The following PPP1R13B variants were observed in gnomAD, a reference collection of about 807,000 sequenced individuals.
PPP1R13B encodes protein phosphatase 1 regulatory subunit 13B, also known as apoptosis-stimulating of p53 protein 1.
A neutral mutation model predicts 119.8 loss-of-function variants in PPP1R13B; 44 were observed. The ratio of observed to expected loss-of-function variants is 0.37; its 90% CI spans 0.29 to 0.47. The LOEUF is 0.47. PPP1R13B is among the 20% of genes least tolerant of loss of function. The pLI is 0.99. For synonymous variants in PPP1R13B, 542 were observed against 561.5 expected, an observed-to-expected ratio of 0.97 and a Z score of 0.49; for missense variants, 1,227 against 1,413.5, an observed-to-expected ratio of 0.87 and a Z score of 2.12.
Position 103,757,632 on chromosome 14 carries a change from C to A in PPP1R13B, c.456+18G>T, listed in dbSNP as rs1291697460. 4 of 1,608,714 alleles carry A rather than the reference C, an allele frequency of 2.5e-6. No individual in the cohort carries two copies. Among genetic ancestry groups the A allele is most frequent in the Non-Finnish European group, 3.4e-6 (4 of 1,175,728 alleles). Reference sequence around the variant, plus strand: ...GTACTTTTTGAACAATGTTTCAATACCTCTTTTTATAACTTACCTTGGCAA... The same window carrying A: ...GTACTTTTTGAACAATGTTTCAATAACTCTTTTTATAACTTACCTTGGCAA... On this transcript the variant is annotated intron_variant, in intron 5 of 16. Transcript: ENST00000202556.
intron 4 of PPP1R13B, chr14:103,763,203 A>G: frequency 1.7e-6 from 1 of 579,564 alleles, no homozygotes; most frequent in Non-Finnish European, 3.1e-6. Flanking sequence ...GAATGTGTCC[A>G]TGAAATAGGG....
At chr14:103,750,004 T>A in intron 7 of PPP1R13B, 70 bp from the exon 8 acceptor site, 2 of 1,532,752 alleles carry the variant, frequency 1.3e-6, no homozygotes, top group Admixed American at 2.0e-5. Flanking sequence ...GCCAGGGAGA[T>A]TAAAAAAGAA....
intron 3 of PPP1R13B, among the ~76,000 whole-genome samples, chr14:103,783,214 T>TC (rs1401315112): frequency 1.3e-5 from 1 of 76,226 alleles, no homozygotes; most frequent in Non-Finnish European, 3.4e-5. Flanking sequence ...ATCTTTTGAC[T>TC]TTTTTTTTAG....
At chr14:103,753,309 G>T in intron 6 of PPP1R13B, 113 bp from the exon 7 acceptor site, 1 of 1,048,528 alleles carries the variant, frequency 9.5e-7, no homozygotes, top group Non-Finnish European at 1.4e-6. Context: ...CGTGGAGAAA[G>T]CTGTGATATG....
intron 1 of PPP1R13B, among the ~76,000 whole-genome samples, chr14:103,845,414 T>C (rs534103659): frequency 2.0e-5 from 3 of 152,326 alleles, no homozygotes; most frequent in African/African-American, 7.2e-5. Context: ...AAATACCATC[T>C]GTTTCTAAAA....
In PPP1R13B at chr14:103,762,730, G is replaced by C. The variant is rs2084838949; in HGVS notation, c.355-4979C>G. On this transcript the variant is annotated intron_variant, in intron 4 of 16. Coordinates refer to ENST00000202556, the MANE Select transcript of PPP1R13B (RefSeq NM_015316.3). ...TCCCTGGGTGTCGGCGGTGGCCGTG[G>C]GGGTGAGACGGATGGGGGTGGAGGC... is the stretch of plus-strand genomic sequence containing the variant. The C allele has an allele frequency of 1.7e-5, 11 of 661,436 alleles. No individual in the cohort carries two copies. In the South Asian group the frequency reaches 1.7e-4, roughly 10 times the overall value. The allele number at this position is 661,436 out of a possible 1,614,324, so 41.0% of individuals were successfully genotyped here. A position where few individuals can be genotyped will look rare whatever the true frequency, so the allele number is the denominator to read the frequency against.
chr14:103,806,271 A>G (rs2086015944), intron 1 of PPP1R13B, among the ~76,000 whole-genome samples: 2 of 152,302 alleles, frequency 1.3e-5, no homozygotes, highest in African/African-American at 4.8e-5. Context: ...AATGGCTCTC[A>G]GGCTTTTCTG....
At chr14:103,748,677 CAA>C (rs913853711) in intron 8 of PPP1R13B, among the ~76,000 whole-genome samples, 20 of 152,340 alleles carry the variant, frequency 1.3e-4, no homozygotes, top group African/African-American at 4.8e-4. Context: ...CACATCCGGC[CAA>C]AGACACAGAG....
chr14:103,830,924 T>G (rs2086651870), intron 1 of PPP1R13B, among the ~76,000 whole-genome samples: 1 of 152,148 alleles, frequency 6.6e-6, no homozygotes, highest in Non-Finnish European at 1.5e-5. Flanking sequence ...TGTTTTAATA[T>G]TAACTACATA....
chr14:103,764,888 G>C (rs2084902454), intron 4 of PPP1R13B, among the ~76,000 whole-genome samples: 1 of 151,968 alleles, frequency 6.6e-6, no homozygotes, highest in African/African-American at 2.4e-5. Flanking sequence ...GGCGGATCTC[G>C]GCTCACTGCA....
At chr14:103,820,856 T>C (rs1008133502) in intron 1 of PPP1R13B, among the ~76,000 whole-genome samples, 7 of 152,018 alleles carry the variant, frequency 4.6e-5, no homozygotes, top group Non-Finnish European at 8.8e-5. Flanking sequence ...CAACACTACA[T>C]AGGTGCCTCA....
At chr14:103,846,215 G>A (rs569725014) in intron 1 of PPP1R13B, among the ~76,000 whole-genome samples, 1 of 152,240 alleles carries the variant, frequency 6.6e-6, no homozygotes, top group South Asian at 2.1e-4. Context: ...CTTAAGACTT[G>A]GAAAACGCTG....
chr14:103,739,793 G>C (rs763175172), intron 12 of PPP1R13B, 31 bp downstream of exon 12: 3 of 1,560,084 alleles, frequency 1.9e-6, no homozygotes, highest in East Asian at 4.5e-5. Context: ...TGACCAGGAA[G>C]GCCAGGCTTT....
At position 103,734,565 on chromosome 14, in the gene PPP1R13B, G is replaced by A. The variant is rs1417148112; in HGVS notation, c.*589C>T. On this transcript the variant is annotated 3_prime_UTR_variant, in exon 17 of 17. Coordinates refer to ENST00000202556, the MANE Select transcript of PPP1R13B (RefSeq NM_015316.3). ...TGCACAATCAGCCTTTAGGTGAACT[G>A]GAACAGGAAGCGGAACCCCCAAGGC... is the stretch of plus-strand genomic sequence containing the variant. 4.4e-6 allele frequency: 2 copies of A among 456,362 alleles called. No individual in the cohort carries two copies. Among genetic ancestry groups the A allele is most frequent in the South Asian group, 3.1e-5 (2 of 64,566 alleles). 28.3% of individuals were successfully genotyped at this position (456,362 alleles called of 1,614,324 possible).
chr14:103,825,077 A>G (rs1296712246), intron 1 of PPP1R13B, among the ~76,000 whole-genome samples: 4 of 152,118 alleles, frequency 2.6e-5, no homozygotes, highest in Non-Finnish European at 5.9e-5. Flanking sequence ...CATTATTATT[A>G]TATTTCCTAT....
rs1029859650 is a variant in PPP1R13B at position 103,742,967 on chromosome 14, A to G, written c.1151-144T>C. On this transcript the variant is annotated intron_variant, in intron 9 of 16. Coordinates refer to ENST00000202556, the MANE Select transcript of PPP1R13B (RefSeq NM_015316.3). This position sits in a 1 kb window ranked among gnomAD's most constrained non-coding sequence, Gnocchi z 4.9. ...TTAACCGAGTGGTCAACCACCAGCC[A>G]CATGCACAACTGCTGATCTCCTCCA... The G allele has an allele frequency of 1.2e-6, 1 of 856,492 alleles. No homozygotes were observed. The highest frequency in any genetic ancestry group is 1.8e-6 in the Non-Finnish European group (1 of 552,616). The allele number at this position is 856,492 out of a possible 1,614,324, so 53.1% of individuals were successfully genotyped here. A position where few individuals can be genotyped will look rare whatever the true frequency, so the allele number is the denominator to read the frequency against.
At chr14:103,787,079 C>T (rs903126412) in intron 2 of PPP1R13B, among the ~76,000 whole-genome samples, 17 of 151,394 alleles carry the variant, frequency 1.1e-4, no homozygotes, top group African/African-American at 3.9e-4. Context: ...GTCTTGAATT[C>T]CTGAACTCAA....
chr14:103,839,276 T>C (rs950941610), intron 1 of PPP1R13B, among the ~76,000 whole-genome samples: 4 of 151,966 alleles, frequency 2.6e-5, no homozygotes, highest in Non-Finnish European at 4.4e-5. Context: ...CCTCCCAAAG[T>C]GCTGGGATTA....
intron 4 of PPP1R13B, among the ~76,000 whole-genome samples, chr14:103,777,325 C>T (rs2085228557): frequency 6.6e-6 from 1 of 152,154 alleles, no homozygotes; most frequent in African/African-American, 2.4e-5. Flanking sequence ...AGCTCCTCCA[C>T]AGCTCCCCTC....
Sources: gnomAD v4.1 joint callset for allele counts (sites outside exome capture counted in the v4.1 genomes callset) on GRCh38, gnomAD v4.1.1 for gene constraint, Gnocchi (gnomAD v3.1) non-coding constraint, MANE v1.5 for transcripts, NCBI Gene and HGNC (gene_info 2026-07-23, HGNC 2026-07-21) for gene names.